The following L1CAM variants were observed in gnomAD, a reference collection of about 807,000 sequenced individuals.
The protein encoded by L1CAM is L1 cell adhesion molecule.
Under a neutral mutation model 93.0 loss-of-function variants are expected in L1CAM, and 8 were observed. The ratio of observed to expected loss-of-function variants is 0.09; its 90% CI spans 0.05 to 0.16. The LOEUF (loss-of-function observed/expected upper bound fraction) is 0.16. Among genes scored for constraint, L1CAM ranks in the 10% least tolerant of loss-of-function variants. The pLI is 1.00. For missense variants in L1CAM, 777 were observed against 1,073.4 expected (o/e 0.72, Z 3.86); for synonymous variants, 453 against 453.0 (o/e 1.00, Z 0.00).
In L1CAM at chrX:153,869,598, T is replaced by C; in HGVS notation, c.1189A>G (p.Ser397Gly). The change falls in exon 11 of 29, where the codon AGT becomes GGT. Residue 397 changes from serine to glycine, a missense_variant. Around this residue, in one of 5 missense-constraint regions of L1CAM, gnomAD observed 574 missense variants for 781.0 expected, o/e 0.73. Transcript: ENST00000370060. The stretch of plus-strand genomic sequence containing the variant: ...TCACATTGGGTCACCATTGTGTCAC[T>C]GGGCTGCACGTTGCTCAGGATCAGG... The part of the protein sequence containing the change: ...GALILSNVQP[S>G]DTMVTQCEAR... 5.0e-6 allele frequency: 6 copies of C among 1,210,433 alleles called. No homozygotes were observed. The highest frequency in any genetic ancestry group is 6.7e-6 in the Non-Finnish European group (6 of 894,913).
rs1387074915 is a variant in L1CAM at position 153,872,171 on chromosome X, C to G, written c.381G>C (p.Glu127Asp). ...SNKLGTAMSH[E>D]IRLMAEGAPK... ...TCGCACCCTCGGCCATGAGCCGGAT[C>G]TCATGGGACATGGCGGTGCCCAGCT... Residue 127 changes from glutamate (E) to aspartate (D), a missense_variant, in exon 5 of 29, where the codon GAG becomes GAC. By Grantham distance (45) the Glu-to-Asp change is conservative (BLOSUM62 2). Transcript: ENST00000370060. The G allele has an allele frequency of 8.3e-7, 1 of 1,206,908 alleles. No homozygotes were observed. Among genetic ancestry groups the G allele is most frequent in the Non-Finnish European group, 1.1e-6 (1 of 893,692 alleles).
rs144089789 is a variant in L1CAM, at chrX:153,862,725, C to T, written c.3712G>A (p.Ala1238Thr). ...GCCCCTGAGCTGTCATTGCCCCCTG[C>T]CGCCTCCTTCTCCTTCTTGCCACTG... Reference protein sequence around the residue: ...QYSGKKEKEAAGGNDSSGATS... With the variant: ...QYSGKKEKEATGGNDSSGATS... The change falls in exon 29 of 29, where the codon GCA becomes ACA. Residue 1238 changes from alanine (A) to threonine (T), a missense_variant. By Grantham distance (58) the Ala-to-Thr change is moderately conservative. This residue lies in a region of L1CAM where 110 missense variants were observed against 141.7 expected (regional missense o/e 0.78). Coordinates refer to ENST00000370060, the MANE Select transcript of L1CAM (RefSeq NM_001278116.2). 4 of 1,210,988 alleles carry T rather than the reference C, an allele frequency of 3.3e-6. No homozygotes were observed. The highest frequency in any genetic ancestry group is 4.5e-6 in the Non-Finnish European group (4 of 895,240).
chrX:153,883,685 C>T (rs1453501939), intron 1 of L1CAM: 1 of 323,225 alleles, frequency 3.1e-6, no homozygotes, highest in Non-Finnish European at 6.3e-6. Context: ...AGGGCCCCCA[C>T]TCATGCCCCC....
intron 19 of L1CAM, chrX:153,866,040 C>A: frequency 2.4e-6 from 1 of 408,972 alleles, no homozygotes; most frequent in Non-Finnish European, 4.3e-6. Context: ...CATGGCTGGG[C>A]GTGATGGTTC....
chrX:153,863,104 G>T (rs917774497), intron 28 of L1CAM, among the ~76,000 whole-genome samples: 8 of 112,368 alleles, frequency 7.1e-5, no homozygotes, highest in Non-Finnish European at 1.5e-4. Flanking sequence ...ATGTGCGCTC[G>T]GCCAGGGGAT....
At chrX:153,874,793 C>A (rs782496464) in intron 2 of L1CAM, among the ~76,000 whole-genome samples, 1 of 112,150 alleles carries the variant, frequency 8.9e-6, no homozygotes, top group Non-Finnish European at 1.9e-5. Context: ...ACACATGATA[C>A]CCTGTGACAT....
intron 5 of L1CAM, among the ~76,000 whole-genome samples, chrX:153,871,471 G>T (rs975809664): frequency 4.5e-5 from 5 of 110,154 alleles, no homozygotes; most frequent in South Asian, 7.8e-4. Flanking sequence ...AAGGACGGGT[G>T]GGGGGAGGCT....
chrX:153,876,339 T>C (rs2064814099), intron 1 of L1CAM: 1 of 222,344 alleles, frequency 4.5e-6, no homozygotes, highest in Non-Finnish European at 8.2e-6. Flanking sequence ...GGGAGTGAGC[T>C]GTATGTGAGC....
rs192256284 is a variant in L1CAM, at chrX:153,877,981, A to G, written c.-108-2037T>C. ...TACAAGTAAGGGGAGCCAAAGACTA[A>G]GGGTCTGAAAGAGGGGGCTCCTCTG... is the stretch of plus-strand genomic sequence containing the variant. On this transcript the variant is annotated intron_variant, in intron 1 of 28. Coordinates refer to ENST00000370060, the MANE Select transcript of L1CAM (RefSeq NM_001278116.2). 3.4e-3 allele frequency among the ~76,000 whole-genome samples: 381 copies of G among 112,517 alleles called. 3 individuals carry two copies. Among genetic ancestry groups the G allele is most frequent in the Non-Finnish European group, 5.3e-3 (284 of 53,269 alleles).
intron 1 of L1CAM, among the ~76,000 whole-genome samples, chrX:153,879,680 G>A (rs1408069049): frequency 2.7e-5 from 3 of 111,503 alleles, no homozygotes; most frequent in African/African-American, 9.8e-5. Flanking sequence ...TTGTGGCACT[G>A]GGCAAGGGAC....
chrX:153,873,070 C>A (rs781790751), intron 3 of L1CAM, 158 bp downstream of exon 3: 15 of 564,077 alleles, frequency 2.7e-5, no homozygotes, highest in South Asian at 2.2e-4. Context: ...AGAGACAGAA[C>A]AAAGCCAGCC....
intron 11 of L1CAM, 74 bp from the exon 12 acceptor site, chrX:153,869,026 G>A: frequency 4.6e-6 from 4 of 865,480 alleles, no homozygotes; most frequent in Non-Finnish European, 6.8e-6. Flanking sequence ...GGGACCCTCT[G>A]CACGGCTTCC....
chrX:153,863,865 G>A lies in L1CAM; in HGVS notation c.3457+18C>T, dbSNP rs76726076. 1.6e-3 allele frequency: 1,983 copies of A among 1,210,593 alleles called. 17 individuals are homozygous for A. The East Asian group carries it at 0.025, about 15-fold the overall frequency. ...CTGCCCTCGGCTCCACCCCCGTCAC[G>A]TGGGGCTCAGAGGCTACCTGAGTAT... On this transcript the variant is annotated intron_variant, in intron 26 of 28. Transcript: ENST00000370060.
In L1CAM at chrX:153,864,907, A is replaced by C; in HGVS notation, c.2960T>G (p.Leu987Arg). Residue 987 changes from leucine (L) to arginine (R), a missense_variant, in exon 23 of 29, where the codon CTG (leucine) becomes CGG (arginine). Transcript: ENST00000370060. ...GGCCTGAAGCTGGAAGCGGTACCGCAGGTGGGGGCTGAGATCGGTCAGGTT... is the reference window on the plus strand; with the variant it reads ...GGCCTGAAGCTGGAAGCGGTACCGCCGGTGGGGGCTGAGATCGGTCAGGTT... ...THNLTDLSPH[L>R]RYRFQLQATT... 1 of 1,212,305 alleles carries C rather than the reference A, an allele frequency of 8.2e-7. No individual in the cohort carries two copies. The highest frequency in any genetic ancestry group is 1.1e-6 in the Non-Finnish European group (1 of 895,560).
chrX:153,865,732 T>C lies in L1CAM; in HGVS notation c.2519A>G (p.Gln840Arg). ...GTATCCGCGGAGGTGGCCCTTGACC[T>C]GGGCCAGGTCCACCGGCCGCCACTT... ...LVKWRPVDLA[Q>R]VKGHLRGYNV... The change falls in exon 20 of 29, where the codon CAG becomes CGG. Residue 840 changes from glutamine to arginine, a missense_variant. Transcript: ENST00000370060. 3 of 1,208,174 alleles carry C rather than the reference T, an allele frequency of 2.5e-6. No homozygotes were observed. The highest frequency in any genetic ancestry group is 3.4e-6 in the Non-Finnish European group (3 of 892,179).
Position 153,865,145 on chromosome X carries a change from G to T in L1CAM, c.2815C>A (p.Gln939Lys). 8.3e-7 allele frequency: 1 copy of T among 1,209,109 alleles called. No individual in the cohort carries two copies. The highest frequency in any genetic ancestry group is 1.1e-6 in the Non-Finnish European group (1 of 894,586). Reference sequence around the variant, plus strand: ...ACGCCGTTGTGGCTGAGTGGGGGCTGCCAGCGCAGCAGCAGGCTGGTGTTC... The same window carrying T: ...ACGCCGTTGTGGCTGAGTGGGGGCTTCCAGCGCAGCAGCAGGCTGGTGTTC... ...QSNTSLLLRW[Q>K]PPLSHNGVLT... Residue 939 changes from glutamine to lysine, a missense_variant, in exon 22 of 29, where the codon CAG (glutamine) becomes AAG (lysine). By Grantham distance (53) the Gln-to-Lys change is moderately conservative. Coordinates refer to ENST00000370060, the MANE Select transcript of L1CAM (RefSeq NM_001278116.2).
intron 1 of L1CAM, among the ~76,000 whole-genome samples, chrX:153,879,608 G>T (rs1557095306): frequency 8.9e-6 from 1 of 112,434 alleles, no homozygotes; most frequent in African/African-American, 3.2e-5. Context: ...TGGAGCAGCT[G>T]TGAGCTGGGG....
intron 1 of L1CAM, chrX:153,885,308 C>A: frequency 1.3e-6 from 1 of 796,333 alleles, no homozygotes; most frequent in Non-Finnish European, 1.7e-6. Flanking sequence ...GCACGGGAGG[C>A]ACAGCAGTGG....
At chrX:153,864,087 C>G in intron 25 of L1CAM, 70 bp from the exon 26 acceptor site, 1 of 1,192,189 alleles carries the variant, frequency 8.4e-7, no homozygotes, top group Non-Finnish European at 1.1e-6. Context: ...CTGAAGTATG[C>G]TCTTAAAGTT....
Sources: gnomAD v4.1 joint callset for allele counts (sites outside exome capture counted in the v4.1 genomes callset) on GRCh38, gnomAD v4.1.1 for gene constraint, gnomAD v4.1.1 regional missense constraint, MANE v1.5 for transcripts, NCBI Gene and HGNC (gene_info 2026-07-23, HGNC 2026-07-21) for gene names.